The following PTPRD variants were observed in gnomAD, a reference collection of about 807,000 sequenced individuals.
PTPRD encodes protein tyrosine phosphatase receptor type D.
A neutral mutation model predicts 214.5 loss-of-function variants in PTPRD; 34 were observed. The ratio of observed to expected loss-of-function variants is 0.16; its 90% confidence interval spans 0.12 to 0.21. The LOEUF (loss-of-function observed/expected upper bound fraction) is 0.21. Ranked by LOEUF, PTPRD falls within the 10% of genes least tolerant of loss-of-function variation. The pLI, the probability that PTPRD is intolerant of heterozygous loss-of-function variation, is 1.00. For synonymous variants in PTPRD, 1,128 were observed against 845.7 expected (o/e 1.33, Z -5.79); for missense variants, 2,545 against 2,398.7 (o/e 1.06, Z -1.27).
At chr9:9,445,606 C>G (rs563269856) in intron 8 of PTPRD, among the ~76,000 whole-genome samples, 1 of 152,028 alleles carries the variant, frequency 6.6e-6, no homozygotes, top group Non-Finnish European at 1.5e-5. Flanking sequence ...AGGAGAAGTG[C>G]CAAGCAAAGG....
In PTPRD at chr9:9,573,416, T is replaced by TA. The variant is rs567999592; in HGVS notation, c.-237+1315dup. Among the ~76,000 whole-genome samples the TA allele has an allele frequency of 8.1e-3, 1,175 of 145,670 alleles. 8 individuals are homozygous for TA. Among genetic ancestry groups the TA allele is most frequent in the African/African-American group, 0.015 (592 of 40,064 alleles). ...TCAAAGTACTCTAATGTTCTTTTTT[T>TA]AAAAAAAAAAAACTTATGTCAGTAT... On this transcript the variant is annotated intron_variant, in intron 8 of 45. Transcript: ENST00000381196.
chr9:9,046,457 T>G (rs1040737384), intron 10 of PTPRD, among the ~76,000 whole-genome samples: 5 of 152,164 alleles, frequency 3.3e-5, no homozygotes, highest in African/African-American at 1.2e-4. Context: ...TTTGGAGACT[T>G]AATTCAGGAT....
At chr9:10,599,636 G>C (rs549720954) in intron 2 of PTPRD, among the ~76,000 whole-genome samples, 1 of 151,710 alleles carries the variant, frequency 6.6e-6, no homozygotes, top group Non-Finnish European at 1.5e-5. Context: ...TTTCTTCAAA[G>C]TTTGGTCATG....
intron 12 of PTPRD, among the ~76,000 whole-genome samples, chr9:8,709,243 A>G (rs1378976430): frequency 6.6e-6 from 1 of 152,120 alleles, no homozygotes; most frequent in African/African-American, 2.4e-5. Flanking sequence ...GGCCAGGCGC[A>G]GTGGCTCGCA....
At chr9:9,090,993 G>T in intron 10 of PTPRD, 1 of 1,573,186 alleles carries the variant, frequency 6.4e-7, no homozygotes, top group South Asian at 1.1e-5. Flanking sequence ...GCATGCCCAA[G>T]GACAAGGCCA....
intron 7 of PTPRD, among the ~76,000 whole-genome samples, chr9:9,676,085 T>C (rs1335332851): frequency 6.6e-6 from 1 of 152,154 alleles, no homozygotes; most frequent in Admixed American, 6.6e-5. Flanking sequence ...AAATATATTC[T>C]AAAAGAATTT....
intron 8 of PTPRD, among the ~76,000 whole-genome samples, chr9:9,398,164 C>T (rs912215728): frequency 6.8e-6 from 1 of 147,720 alleles, no homozygotes; most frequent in Non-Finnish European, 1.5e-5. Context: ...TTCATTTGCT[C>T]TGCCTCAATA....
chr9:8,560,147 A>G (rs961154150), intron 14 of PTPRD, among the ~76,000 whole-genome samples: 1 of 152,174 alleles, frequency 6.6e-6, no homozygotes, highest in African/African-American at 2.4e-5. Flanking sequence ...TATAACCTTA[A>G]AAGTAATCAT....
chr9:8,755,060 G>A (rs752151549), intron 11 of PTPRD, among the ~76,000 whole-genome samples: 1 of 152,104 alleles, frequency 6.6e-6, no homozygotes, highest in South Asian at 2.1e-4. Context: ...ACCAGTACAT[G>A]TTGGGAAGGT....
intron 3 of PTPRD, among the ~76,000 whole-genome samples, chr9:10,280,670 C>A (rs1041825006): frequency 9.9e-5 from 15 of 152,052 alleles, no homozygotes; most frequent in African/African-American, 3.6e-4. Context: ...GTGGCACAAT[C>A]AGATCATATA....
At chr9:8,960,838 G>A (rs981755764) in intron 11 of PTPRD, among the ~76,000 whole-genome samples, 4 of 152,098 alleles carry the variant, frequency 2.6e-5, no homozygotes, top group African/African-American at 7.2e-5. Context: ...ACACAGCATT[G>A]TTGGGTTATT....
At chr9:10,347,488 G>A (rs1423482343) in intron 2 of PTPRD, among the ~76,000 whole-genome samples, 1 of 143,750 alleles carries the variant, frequency 7.0e-6, no homozygotes, top group Non-Finnish European at 1.5e-5. Context: ...TCGGCTCACT[G>A]CAACCTCTGC....
chr9:8,466,843 T>C (rs953671337), intron 31 of PTPRD, among the ~76,000 whole-genome samples: 7 of 151,868 alleles, frequency 4.6e-5, no homozygotes, highest in African/African-American at 1.2e-4. Flanking sequence ...TTTTTGTAAA[T>C]AGAAATGATC....
intron 7 of PTPRD, among the ~76,000 whole-genome samples, chr9:9,683,608 A>C (rs1057108925): frequency 6.6e-6 from 1 of 151,714 alleles, no homozygotes; most frequent in African/African-American, 2.4e-5. Context: ...ATTTCAAAGA[A>C]AAACACAGAA....
chr9:8,520,858 TTTC>T (rs2138803352), intron 20 of PTPRD, among the ~76,000 whole-genome samples: 1 of 152,292 alleles, frequency 6.6e-6, no homozygotes, highest in East Asian at 1.9e-4. Flanking sequence ...CAACTTTTTT[TTTC>T]TTCTTTTTCC....
intron 3 of PTPRD, among the ~76,000 whole-genome samples, chr9:10,070,525 C>A (rs1346486417): frequency 6.6e-6 from 1 of 151,796 alleles, no homozygotes; most frequent in African/African-American, 2.4e-5. Context: ...GAAAGTAACA[C>A]TAGGAATAAT....
At chr9:8,586,554 C>A (rs1485479128) in intron 14 of PTPRD, among the ~76,000 whole-genome samples, 2 of 152,102 alleles carry the variant, frequency 1.3e-5, no homozygotes, top group East Asian at 3.9e-4. Flanking sequence ...TTGGTTAAAT[C>A]ATTCCATTTT....
intron 11 of PTPRD, among the ~76,000 whole-genome samples, chr9:8,800,160 T>C (rs757838379): frequency 4.6e-5 from 7 of 152,114 alleles, no homozygotes; most frequent in Non-Finnish European, 7.3e-5. Context: ...TATGTATGTG[T>C]GCATGCATCA....
intron 7 of PTPRD, among the ~76,000 whole-genome samples, chr9:9,712,597 A>G (rs970300267): frequency 2.1e-4 from 32 of 152,290 alleles, no homozygotes; most frequent in African/African-American, 5.8e-4. Context: ...AGATCTTGCT[A>G]TATAACACAT....
Sources: allele counts gnomAD v4.1 joint callset (sites outside exome capture counted in the v4.1 genomes callset), GRCh38; gene constraint gnomAD v4.1.1; transcripts MANE v1.5; gene names NCBI Gene and HGNC (gene_info 2026-07-23, HGNC 2026-07-21).